Variants in CHD3 observed in about 807,000 individuals in gnomAD.
CHD3 encodes the protein chromodomain helicase DNA binding protein 3, also known as ATP-dependent chromatin remodeler CHD3.
A neutral mutation model predicts 248.9 loss-of-function variants in CHD3; 52 were observed. The ratio of observed to expected loss-of-function variants is 0.21; its 90% confidence interval spans 0.17 to 0.26. The LOEUF is 0.26. CHD3 is among the 10% of genes least tolerant of loss of function. The probability of loss-of-function intolerance (pLI) is 1.00; values close to 1 mark genes in which losing one functional copy is unlikely to be tolerated. For missense variants in CHD3, 1,482 were observed against 2,605.8 expected (o/e 0.57, Z 9.39); for synonymous variants, 985 against 985.2 (o/e 1.00, Z 0.00).
At position 7,906,553 on chromosome 17, in the gene CHD3, G is replaced by A. The variant is rs1970980761; in HGVS notation, c.4359G>A (p.Lys1453=). The part of the protein sequence containing the change: ...DLRGKTEKEF[K]AYVSLFMRHL... The stretch of plus-strand genomic sequence containing the variant: ...CTCCTCCCACTCCCATGCTCCTTAG[G>A]GCCTATGTGTCTTTGTTCATGCGCC... Residue 1453 remains lysine, a splice_region_variant and synonymous_variant, in exon 29 of 40, where the codon AAG becomes AAA. Coordinates refer to ENST00000330494, the MANE Select transcript of CHD3 (RefSeq NM_001005273.3). The surrounding 1 kb of genome is among the most constrained non-coding windows in gnomAD (Gnocchi z 5.0). 1.2e-6 allele frequency: 2 copies of A among 1,613,648 alleles called. No individual in the cohort carries two copies. The highest frequency in any genetic ancestry group is 4.5e-5 in the East Asian group (2 of 44,866).
chr17:7,910,607 C>T lies in CHD3; in HGVS notation c.5754+16C>T. The T allele has an allele frequency of 1.3e-6, 2 of 1,598,584 alleles. No individual in the cohort carries two copies. Among genetic ancestry groups the T allele is most frequent in the Non-Finnish European group, 1.7e-6 (2 of 1,173,504 alleles). On this transcript the variant is annotated intron_variant, in intron 38 of 39. Coordinates refer to ENST00000330494, the MANE Select transcript of CHD3 (RefSeq NM_001005273.3). The surrounding 1 kb of genome is among the most constrained non-coding windows in gnomAD (Gnocchi z 4.7). ...CCCCACACCGGTAACCCTCTTTCCC[C>T]CTAGCTCCAGTTTTCCCTGTTTGTG...
At position 7,894,994 on chromosome 17, in the gene CHD3, G is replaced by A. The variant is rs768783784; in HGVS notation, c.1347G>A (p.Lys449=). The A allele has an allele frequency of 1.9e-6, 3 of 1,613,282 alleles. No individual in the cohort carries two copies. Among genetic ancestry groups the A allele is most frequent in the Non-Finnish European group, 2.5e-6 (3 of 1,179,352 alleles). Residue 449 remains lysine (K), a synonymous_variant, in exon 9 of 40, where the codon AAG becomes AAA. Coordinates refer to ENST00000330494, the MANE Select transcript of CHD3 (RefSeq NM_001005273.3). ...YEEEGEEEGE[K]EEEDDHMEYC... is the part of the protein sequence containing the mutation. ...AGGAGGGAGAGGAAGAAGGGGAGAA[G>A]GAGGAGGAGGATGATCACATGGAGT...
rs1423992549 is a variant in CHD3 at position 7,911,534 on chromosome 17, G to T, written c.5952G>T (p.Gly1984=). ...KEMVGALVSD[G]LDRKEPRAGE... is the part of the protein sequence containing the mutation. ...TGGTGGGGGCATTGGTGTCAGACGG[G>T]CTGGATCGGAAGGAGCCCCGAGCCG... The change falls in exon 40 of 40, where the codon GGG becomes GGT. Residue 1984 remains glycine (G), a synonymous_variant. Transcript: ENST00000330494. The surrounding 1 kb of genome is among the most constrained non-coding windows in gnomAD (Gnocchi z 5.4). 1 of 1,614,216 alleles carries T rather than the reference G, an allele frequency of 6.2e-7. No homozygotes were observed. The highest frequency in any genetic ancestry group is 2.2e-5 in the East Asian group (1 of 44,886).
chr17:7,900,271 G>T lies in CHD3; in HGVS notation c.2683-19G>T. 3 of 1,614,022 alleles carry T rather than the reference G, an allele frequency of 1.9e-6. No homozygotes were observed. Among genetic ancestry groups the T allele is most frequent in the Non-Finnish European group, 2.5e-6 (3 of 1,180,018 alleles). On this transcript the variant is annotated intron_variant, in intron 16 of 39. Transcript: ENST00000330494. This position sits in a 1 kb window ranked among gnomAD's most constrained non-coding sequence, Gnocchi z 6.5. Reference sequence around the variant, plus strand: ...ACTAATAAGCCCATTTTCCTGCCTTGCCTTGCCCCATCTTTTAGTTTTTCA... The same window carrying T: ...ACTAATAAGCCCATTTTCCTGCCTTTCCTTGCCCCATCTTTTAGTTTTTCA...
rs1349882581 is a variant in CHD3 at position 7,911,856 on chromosome 17, T to C, written c.*271T>C. 9 of 875,264 alleles carry C rather than the reference T, an allele frequency of 1.0e-5. No homozygotes were observed. The highest frequency in any genetic ancestry group is 6.2e-5 in the Admixed American group (2 of 32,518). The allele number at this position is 875,264 out of a possible 1,614,324, so 54.2% of individuals were successfully genotyped here. A position where few individuals can be genotyped will look rare whatever the true frequency, so the allele number is the denominator to read the frequency against. On this transcript the variant is annotated 3_prime_UTR_variant, in exon 40 of 40. Transcript: ENST00000330494. This position sits in a 1 kb window ranked among gnomAD's most constrained non-coding sequence, Gnocchi z 5.4. ...GGCTGGCAGGGTCTTCCAAGTACCT[T>C]CCTCCCACACTGCCAAGTATACACA...
chr17:7,905,095 C>G lies in CHD3; in HGVS notation c.4073-5C>G, dbSNP rs1186307975. ...CTGACCACTGGGCCCTTTCCACCCCCACAGACAACCAGTCAGAGTACTCGG... is the reference window on the plus strand; with the variant it reads ...CTGACCACTGGGCCCTTTCCACCCCGACAGACAACCAGTCAGAGTACTCGG... On this transcript the variant is annotated splice_polypyrimidine_tract_variant and splice_region_variant and intron_variant, in intron 25 of 39. Coordinates refer to ENST00000330494, the MANE Select transcript of CHD3 (RefSeq NM_001005273.3). This position sits in a 1 kb window ranked among gnomAD's most constrained non-coding sequence, Gnocchi z 5.8. 3.1e-6 allele frequency: 5 copies of G among 1,614,104 alleles called. No individual in the cohort carries two copies. The South Asian group carries it at 3.3e-5, about 11-fold the overall frequency.
intron 10 of CHD3, among the ~76,000 whole-genome samples, chr17:7,896,514 T>C (rs1969681858): frequency 6.6e-6 from 1 of 151,548 alleles, no homozygotes; most frequent in African/African-American, 2.4e-5. Context: ...CAAGCGATTC[T>C]CCTGCCTCAG....
In CHD3 at chr17:7,907,795, G is replaced by C. The variant is rs1971176320; in HGVS notation, c.5026+93G>C. The C allele has an allele frequency of 6.6e-7, 1 of 1,511,094 alleles. No individual in the cohort carries two copies. The highest frequency in any genetic ancestry group is 8.8e-7 in the Non-Finnish European group (1 of 1,130,592). The allele number at this position is 1,511,094 out of a possible 1,614,324, so 93.6% of individuals were successfully genotyped here. The stretch of plus-strand genomic sequence containing the variant: ...CGAATGCTTGGGTCCTGGGCGGGTA[G>C]CTGTTTGAAAGGCCAGTACAGTACA... On this transcript the variant is annotated intron_variant, in intron 33 of 39. Transcript: ENST00000330494. This position sits in a 1 kb window ranked among gnomAD's most constrained non-coding sequence, Gnocchi z 4.3.
chr17:7,906,983 A>G lies in CHD3; in HGVS notation c.4618A>G (p.Thr1540Ala). The change falls in exon 30 of 40, where the codon ACC (threonine) becomes GCC (alanine). Residue 1540 changes from threonine to alanine, a missense_variant. Physicochemically the swap from Thr to Ala is moderately conservative, Grantham distance 58. Coordinates refer to ENST00000330494, the MANE Select transcript of CHD3 (RefSeq NM_001005273.3). This position sits in a 1 kb window ranked among gnomAD's most constrained non-coding sequence, Gnocchi z 5.0. ...CTCCTCTCCTACCAAAACGTCTCCC[A>G]CCACTCCTGAGGCTTCTGCTACCAA... is the stretch of plus-strand genomic sequence containing the variant. ...RASSPTKTSPTTPEASATNSP... is the reference protein window; with the variant it reads ...RASSPTKTSPATPEASATNSP... 1 of 1,614,010 alleles carries G rather than the reference A, an allele frequency of 6.2e-7. No individual in the cohort carries two copies. Among genetic ancestry groups the G allele is most frequent in the East Asian group, 2.2e-5 (1 of 44,862 alleles).
chr17:7,885,637 C>A (rs1967789032), upstream of CHD3, among the ~76,000 whole-genome samples: 2 of 152,000 alleles, frequency 1.3e-5, no homozygotes, highest in African/African-American at 2.4e-5. Context: ...GTGGGGTTTC[C>A]CCGCACGGAG....
chr17:7,891,143 A>G, intron 4 of CHD3, 79 bp downstream of exon 4: 2 of 1,523,962 alleles, frequency 1.3e-6, no homozygotes, highest in East Asian at 4.5e-5. Flanking sequence ...AATCTGATGA[A>G]AGCTATGAAA....
At position 7,889,637 on chromosome 17, in the gene CHD3, G is replaced by C; in HGVS notation, c.101-27G>C. 5 of 1,593,170 alleles carry C rather than the reference G, an allele frequency of 3.1e-6. No individual in the cohort carries two copies. The highest frequency in any genetic ancestry group is 4.3e-6 in the Non-Finnish European group (5 of 1,167,790). ...CAGAGGCTGGAAACCTAGAGGCTTAGGTTTTCTGATGCTTTTTGCTTCAAA... is the reference window on the plus strand; with the variant it reads ...CAGAGGCTGGAAACCTAGAGGCTTACGTTTTCTGATGCTTTTTGCTTCAAA... On this transcript the variant is annotated intron_variant, in intron 1 of 39. Transcript: ENST00000330494. The surrounding 1 kb of genome is among the most constrained non-coding windows in gnomAD (Gnocchi z 4.5).
chr17:7,890,475 T>G lies in CHD3; in HGVS notation c.214-96T>G, dbSNP rs1597919509. 9 of 849,006 alleles carry G rather than the reference T, an allele frequency of 1.1e-5. No homozygotes were observed. In the East Asian group the frequency reaches 2.6e-4, roughly 25 times the overall value. The allele number at this position is 849,006 out of a possible 1,614,324, so 52.6% of individuals were successfully genotyped here. ...AAATTAGTTACTATCACAGGATTGT[T>G]GTGAAGATTAAAAGAGGTAAGATAT... On this transcript the variant is annotated intron_variant, in intron 2 of 39. Coordinates refer to ENST00000330494, the MANE Select transcript of CHD3 (RefSeq NM_001005273.3).
At position 7,905,608 on chromosome 17, in the gene CHD3, T is replaced by A; in HGVS notation, c.4139-13T>A. 6.4e-7 allele frequency: 1 copy of A among 1,570,734 alleles called. No individual in the cohort carries two copies. Among genetic ancestry groups the A allele is most frequent in the African/African-American group, 1.4e-5 (1 of 73,666 alleles). On this transcript the variant is annotated splice_polypyrimidine_tract_variant and intron_variant, in intron 26 of 39. Transcript: ENST00000330494. The surrounding 1 kb of genome is among the most constrained non-coding windows in gnomAD (Gnocchi z 5.8). ...GTGGTGGCTCAGCTAACTGATGTCA[T>A]CCCCACCCTCAGGGCGTAGACAGTC... is the stretch of plus-strand genomic sequence containing the variant.
At chr17:7,884,838 A>G, upstream of CHD3, 2 of 1,014,544 alleles carry the variant, frequency 2.0e-6, no homozygotes, top group Admixed American at 5.0e-5. Flanking sequence ...GAGGAGGAGG[A>G]GGAGGAGGAG....
Position 7,907,228 on chromosome 17 carries a change from G to A in CHD3, c.4769G>A (p.Gly1590Glu), listed in dbSNP as rs1043347280. The A allele has an allele frequency of 6.2e-6, 10 of 1,614,234 alleles. No individual in the cohort carries two copies. The highest frequency in any genetic ancestry group is 1.3e-5 in the African/African-American group (1 of 75,052). The change falls in exon 31 of 40, where the codon GGG (glycine) becomes GAG (glutamate). Residue 1590 changes from glycine (G) to glutamate (E), a missense_variant. Coordinates refer to ENST00000330494, the MANE Select transcript of CHD3 (RefSeq NM_001005273.3). This position sits in a 1 kb window ranked among gnomAD's most constrained non-coding sequence, Gnocchi z 4.3. ...EEKPEKNSRI[G>E]EKMETEADAP... ...AAGCCAGAGAAGAACAGCAGAATTG[G>A]GGAGAAGATGGAGACAGAGGTGTGT... is the stretch of plus-strand genomic sequence containing the variant.
At position 7,897,949 on chromosome 17, in the gene CHD3, C is replaced by T; in HGVS notation, c.1920-22C>T. On this transcript the variant is annotated intron_variant, in intron 11 of 39. Transcript: ENST00000330494. This position sits in a 1 kb window ranked among gnomAD's most constrained non-coding sequence, Gnocchi z 4.8. ...GTGCAATATTTTCCTCCTGCTCCTCCCCATGGCCTCCTGCCCCACAGTGTG... is the reference window on the plus strand; with the variant it reads ...GTGCAATATTTTCCTCCTGCTCCTCTCCATGGCCTCCTGCCCCACAGTGTG... 1 of 1,607,990 alleles carries T rather than the reference C, an allele frequency of 6.2e-7. No individual in the cohort carries two copies. The highest frequency in any genetic ancestry group is 8.5e-7 in the Non-Finnish European group (1 of 1,177,284).
rs369205747 is a variant in CHD3, at chr17:7,893,814, A to G, written c.803A>G (p.His268Arg). ...CCGACTCCTCATTCAGGTCCAGGCC[A>G]TAAGAGGCGGAGTAAGAGCCCCCGA... The part of the protein sequence containing the change: ...AKTKEGKGPG[H>R]KRRSKSPRVP... The change falls in exon 6 of 40, where the codon CAT becomes CGT. Residue 268 changes from histidine to arginine, a missense_variant. His to Arg is a conservative substitution (Grantham distance 29). Coordinates refer to ENST00000330494, the MANE Select transcript of CHD3 (RefSeq NM_001005273.3). The G allele has an allele frequency of 6.2e-7, 1 of 1,613,950 alleles. No homozygotes were observed. The highest frequency in any genetic ancestry group is 8.5e-7 in the Non-Finnish European group (1 of 1,180,010).
In CHD3 at chr17:7,888,860, T is replaced by C; in HGVS notation, c.-141T>C. The C allele has an allele frequency of 6.8e-7, 1 of 1,469,590 alleles. No homozygotes were observed. The highest frequency in any genetic ancestry group is 9.0e-7 in the Non-Finnish European group (1 of 1,113,342). 91.0% of individuals were successfully genotyped at this position (1,469,590 alleles called of 1,614,324 possible). On this transcript the variant is annotated 5_prime_UTR_variant, in exon 1 of 40. The change abolishes the stop of an existing upstream ORF in the 5' untranslated region. Transcript: ENST00000330494. ...GGATATCTGGAACAAAATATGGAGG[T>C]GAAGGGTGAGATCGGGAAACAAAGG...
Sources: gnomAD v4.1 joint callset for allele counts (sites outside exome capture counted in the v4.1 genomes callset) on GRCh38, gnomAD v4.1.1 for gene constraint, Gnocchi (gnomAD v3.1) non-coding constraint, MANE v1.5 for transcripts, NCBI Gene and HGNC (gene_info 2026-07-23, HGNC 2026-07-21) for gene names.